The following CSNK1A1 variants were observed in gnomAD, a reference collection of about 807,000 sequenced individuals.
CSNK1A1 encodes the protein casein kinase 1 alpha 1.
Under a neutral mutation model 46.1 loss-of-function variants are expected in CSNK1A1, and 7 were observed. The ratio of observed to expected loss-of-function variants is 0.15; its 90% CI spans 0.09 to 0.29. The LOEUF is 0.29. CSNK1A1 is among the 10% of genes least tolerant of loss of function. The pLI is 1.00. For missense variants in CSNK1A1, 96 were observed against 417.1 expected (o/e 0.23, Z 6.71); for synonymous variants, 137 against 141.5 (o/e 0.97, Z 0.23).
In CSNK1A1 at chr5:149,517,906, A is replaced by ATC; in HGVS notation, c.456+2382_456+2383dup. ...AACAGACAATAGAGGGTGGCAGTGC[A>ATC]TCAAACAGTATTGCTTACATTGCAA... On this transcript the variant is annotated intron_variant, in intron 4 of 9. Coordinates refer to ENST00000377843, the MANE Select transcript of CSNK1A1 (RefSeq NM_001892.6). The surrounding 1 kb of genome is among the most constrained non-coding windows in gnomAD (Gnocchi z 4.4). 7.2e-7 allele frequency: 1 copy of ATC among 1,391,208 alleles called. No homozygotes were observed. The highest frequency in any genetic ancestry group is 1.2e-5 in the South Asian group (1 of 82,434). The allele number at this position is 1,391,208 out of a possible 1,614,324, so 86.2% of individuals were successfully genotyped here.
In CSNK1A1 at chr5:149,494,164, A is replaced by C. The variant is rs925565187; in HGVS notation, c.*2689T>G. Reference sequence around the variant, plus strand: ...ATGAAATTAAACTTATGACTATTACAGTATGCTCAGCTTAAAACATTTATG... The same window carrying C: ...ATGAAATTAAACTTATGACTATTACCGTATGCTCAGCTTAAAACATTTATG... On this transcript the variant is annotated 3_prime_UTR_variant, in exon 10 of 10. Coordinates refer to ENST00000377843, the MANE Select transcript of CSNK1A1 (RefSeq NM_001892.6). The C allele has an allele frequency of 1.3e-5, 2 of 152,184 alleles. No homozygotes were observed. Among genetic ancestry groups the C allele is most frequent in the Non-Finnish European group, 2.9e-5 (2 of 68,028 alleles). 9.4% of individuals were successfully genotyped at this position (152,184 alleles called of 1,614,324 possible).
rs999376452 is a variant in CSNK1A1 at position 149,502,110 on chromosome 5, A to G, written c.1006+3337T>C. 7.1e-6 allele frequency: 7 copies of G among 981,310 alleles called. No homozygotes were observed. In the African/African-American group the frequency reaches 1.2e-4, roughly 17 times the overall value. The allele number at this position is 981,310 out of a possible 1,614,324, so 60.8% of individuals were successfully genotyped here. On this transcript the variant is annotated intron_variant, in intron 9 of 9. Transcript: ENST00000377843. ...CACATTAGCTAGATAAGCCAGACTT[A>G]AAGAATCTTTAAACATTCTTATTAA...
chr5:149,511,905 A>G (rs778834746), intron 5 of CSNK1A1, 33 bp from the exon 6 acceptor site: 3 of 1,493,798 alleles, frequency 2.0e-6, no homozygotes, highest in South Asian at 2.4e-5. Flanking sequence ...ATAAACTGGA[A>G]CTATTATTAT....
intron 2 of CSNK1A1, among the ~76,000 whole-genome samples, chr5:149,534,803 C>CTT (rs1561768188): frequency 1.3e-5 from 2 of 151,056 alleles, no homozygotes; most frequent in African/African-American, 4.9e-5. Flanking sequence ...TGGTGGCATG[C>CTT]GCCTGTACTC....
chr5:149,533,503 G>A (rs1394280821), intron 2 of CSNK1A1, among the ~76,000 whole-genome samples: 3 of 152,136 alleles, frequency 2.0e-5, no homozygotes, highest in African/African-American at 7.2e-5. Context: ...GCATAGGTTG[G>A]TATAGTGTGT....
At chr5:149,498,600 A>C in intron 9 of CSNK1A1, 1 of 697,960 alleles carries the variant, frequency 1.4e-6, no homozygotes, top group South Asian at 6.3e-5. Context: ...AATTAAACAG[A>C]TTAAACAGGA....
At chr5:149,519,839 T>A (rs554533352) in intron 4 of CSNK1A1, among the ~76,000 whole-genome samples, 2 of 152,290 alleles carry the variant, frequency 1.3e-5, no homozygotes, top group South Asian at 2.1e-4. Context: ...TCAGCAAATG[T>A]TAACACCATG....
In CSNK1A1 at chr5:149,550,037, T is replaced by C. The variant is rs758629859; in HGVS notation, c.230+38A>G. The C allele has an allele frequency of 2.5e-6, 4 of 1,596,800 alleles. No homozygotes were observed. Among genetic ancestry groups the C allele is most frequent in the South Asian group, 1.1e-5 (1 of 89,676 alleles). Reference sequence around the variant, plus strand: ...CTCTACCCACTTCCCCATTCCGTGCTTCCCTCAGCGGATCGCCTATATGCA... The same window carrying C: ...CTCTACCCACTTCCCCATTCCGTGCCTCCCTCAGCGGATCGCCTATATGCA... On this transcript the variant is annotated intron_variant, in intron 2 of 9. Transcript: ENST00000377843. This position sits in a 1 kb window ranked among gnomAD's most constrained non-coding sequence, Gnocchi z 4.3.
chr5:149,522,027 T>A (rs923537916), intron 3 of CSNK1A1, among the ~76,000 whole-genome samples: 3 of 152,224 alleles, frequency 2.0e-5, no homozygotes, highest in African/African-American at 7.2e-5. Flanking sequence ...AACAATCTTT[T>A]ATCTGTCATT....
chr5:149,501,076 T>C lies in CSNK1A1; in HGVS notation c.1007-4216A>G, dbSNP rs1030895937. ...GTCTGCATTCAACACCACTGAGTCATAGCAACGCTGTATTCTTCTAGGTCT... is the reference window on the plus strand; with the variant it reads ...GTCTGCATTCAACACCACTGAGTCACAGCAACGCTGTATTCTTCTAGGTCT... On this transcript the variant is annotated intron_variant, in intron 9 of 9. Transcript: ENST00000377843. 67 of 985,438 alleles carry C rather than the reference T, an allele frequency of 6.8e-5. No homozygotes were observed. In the African/African-American group the frequency reaches 7.7e-4, roughly 11 times the overall value. The allele number at this position is 985,438 out of a possible 1,614,324, so 61.0% of individuals were successfully genotyped here.
At chr5:149,532,553 C>T (rs1406107432) in intron 2 of CSNK1A1, among the ~76,000 whole-genome samples, 2 of 151,964 alleles carry the variant, frequency 1.3e-5, no homozygotes, top group African/African-American at 4.8e-5. Flanking sequence ...ATCAGCCGGG[C>T]GTGGCGTTGG....
At chr5:149,540,910 T>G (rs1459771846) in intron 2 of CSNK1A1, among the ~76,000 whole-genome samples, 2 of 151,576 alleles carry the variant, frequency 1.3e-5, no homozygotes, top group Admixed American at 1.3e-4. Context: ...AAACCCCATT[T>G]CTACAAAAAT....
chr5:149,494,114 CTTTT>C lies in CSNK1A1; in HGVS notation c.*2735_*2738del, dbSNP rs1354973149. On this transcript the variant is annotated 3_prime_UTR_variant, in exon 10 of 10. Transcript: ENST00000377843. ...GCTCATTGTCTTGGGTTCTAAAGTC[CTTTT>C]GTTTGATTATTTTTATTATAATGAA... The C allele has an allele frequency of 3.3e-5, 5 of 152,086 alleles. No homozygotes were observed. The highest frequency in any genetic ancestry group is 1.2e-4 in the African/African-American group (5 of 41,406). The allele number at this position is 152,086 out of a possible 1,614,324, so 9.4% of individuals were successfully genotyped here.
At chr5:149,527,042 C>T (rs1761743208) in intron 2 of CSNK1A1, among the ~76,000 whole-genome samples, 1 of 152,126 alleles carries the variant, frequency 6.6e-6, no homozygotes, top group African/African-American at 2.4e-5. Context: ...AAAAGATAAC[C>T]CAGTAAGGGA....
intron 9 of CSNK1A1, chr5:149,499,068 C>T: frequency 1.2e-5 from 12 of 985,372 alleles, no homozygotes; most frequent in Non-Finnish European, 1.4e-5. Flanking sequence ...AACATTTCTC[C>T]AGTGAATTGT....
chr5:149,532,294 T>C (rs954213951), intron 2 of CSNK1A1, among the ~76,000 whole-genome samples: 5 of 151,966 alleles, frequency 3.3e-5, no homozygotes, highest in Non-Finnish European at 7.4e-5. Flanking sequence ...TAATGTGATA[T>C]AAAATACCTG....
At chr5:149,541,970 C>CAAAAAAAAAA (rs1171466150) in intron 2 of CSNK1A1, among the ~76,000 whole-genome samples, 1 of 40,054 alleles carries the variant, frequency 2.5e-5, no homozygotes, top group African/African-American at 8.6e-5. Flanking sequence ...GACTGCATCT[C>CAAAAAAAAAA]AAAAAAAAAA....
intron 9 of CSNK1A1, chr5:149,501,383 T>A: frequency 1.0e-6 from 1 of 985,386 alleles, no homozygotes. Flanking sequence ...TTCAAAATCT[T>A]CCCCTGTGAT....
intron 2 of CSNK1A1, among the ~76,000 whole-genome samples, chr5:149,527,551 G>C (rs1761759761): frequency 6.6e-6 from 1 of 152,164 alleles, no homozygotes; most frequent in Admixed American, 6.5e-5. Context: ...ACATTTACTT[G>C]AAAGAAGCTC....
Sources: gnomAD v4.1 joint callset for allele counts (sites outside exome capture counted in the v4.1 genomes callset) on GRCh38, gnomAD v4.1.1 for gene constraint, Gnocchi (gnomAD v3.1) non-coding constraint, MANE v1.5 for transcripts, NCBI Gene and HGNC (gene_info 2026-07-23, HGNC 2026-07-21) for gene names.